Variants in SPIRE1 observed in about 807,000 individuals in gnomAD.
SPIRE1 encodes the protein protein spire homolog 1.
Under a neutral mutation model 94.1 loss-of-function variants are expected in SPIRE1, and 40 were observed. The ratio of observed to expected loss-of-function variants is 0.43; its 90% CI spans 0.33 to 0.55. The LOEUF (loss-of-function observed/expected upper bound fraction) is 0.55. Ranked by LOEUF, SPIRE1 falls within the 20% of genes least tolerant of loss-of-function variation. The pLI is 0.06. For missense variants in SPIRE1, 838 were observed against 975.2 expected, an observed-to-expected ratio of 0.86 and a Z score of 1.87; for synonymous variants, 376 against 371.7, an observed-to-expected ratio of 1.01 and a Z score of -0.13.
In SPIRE1 at chr18:12,457,451, G is replaced by A. The variant is rs565280448; in HGVS notation, c.1639-2968C>T. On this transcript the variant is annotated intron_variant, in intron 12 of 16. Coordinates refer to ENST00000409402, the MANE Select transcript of SPIRE1 (RefSeq NM_001128626.2). ...TGGAGGGCACTCAAGGCCCCAGCTA[G>A]AGCGGGAGCCCTTCCCCACCACGGC... is the stretch of plus-strand genomic sequence containing the variant. Among the ~76,000 whole-genome samples the A allele has an allele frequency of 9.0e-5, 13 of 143,682 alleles. No individual in the cohort carries two copies. In the South Asian group the frequency reaches 2.5e-3, roughly 28 times the overall value. 94.3% of individuals were successfully genotyped at this position (143,682 alleles called of 152,430 possible). A position where few individuals can be genotyped will look rare whatever the true frequency, so the allele number is the denominator to read the frequency against.
chr18:12,566,421 G>A (rs2035822189), intron 2 of SPIRE1, among the ~76,000 whole-genome samples: 2 of 151,860 alleles, frequency 1.3e-5, no homozygotes, highest in Admixed American at 1.3e-4. Context: ...AAGAAAGGAG[G>A]AGCACTGAAG....
chr18:12,471,978 T>C (rs2032379586), intron 10 of SPIRE1, among the ~76,000 whole-genome samples: 1 of 151,964 alleles, frequency 6.6e-6, no homozygotes, highest in African/African-American at 2.4e-5. Flanking sequence ...AGAGATGGGG[T>C]TTTGCCATGT....
chr18:12,598,758 G>A (rs1279505105), intron 2 of SPIRE1, among the ~76,000 whole-genome samples: 1 of 152,170 alleles, frequency 6.6e-6, no homozygotes, highest in East Asian at 1.9e-4. Flanking sequence ...CACACTGAGG[G>A]CTAGAAGGCG....
At chr18:12,659,747 A>G (rs552046071), upstream of SPIRE1, among the ~76,000 whole-genome samples, 15 of 152,346 alleles carry the variant, frequency 9.8e-5, no homozygotes, top group Non-Finnish European at 2.1e-4. Flanking sequence ...CGAGAGAGAC[A>G]AAACAACCCC....
chr18:12,632,038 C>T (rs894721476), intron 2 of SPIRE1, among the ~76,000 whole-genome samples: 1 of 113,206 alleles, frequency 8.8e-6, no homozygotes, highest in African/African-American at 2.8e-5. Context: ...GAGCAAGACT[C>T]TGTCTCCAAA....
chr18:12,446,585 C>T lies in SPIRE1; in HGVS notation c.*3053G>A, dbSNP rs1452089800. On this transcript the variant is annotated 3_prime_UTR_variant, in exon 17 of 17. Coordinates refer to ENST00000409402, the MANE Select transcript of SPIRE1 (RefSeq NM_001128626.2). Reference sequence around the variant, plus strand: ...TTTAATGGAAAACATTTAGTACCATCATGTCACCCTGAATGCCAGCAATAC... The same window carrying T: ...TTTAATGGAAAACATTTAGTACCATTATGTCACCCTGAATGCCAGCAATAC... 8 of 152,172 alleles carry T rather than the reference C, an allele frequency of 5.3e-5. No homozygotes were observed. The allele number at this position is 152,172 out of a possible 1,614,324, so 9.4% of individuals were successfully genotyped here.
chr18:12,483,842 T>C (rs753129142), intron 9 of SPIRE1, among the ~76,000 whole-genome samples: 2 of 152,186 alleles, frequency 1.3e-5, no homozygotes, highest in Non-Finnish European at 2.9e-5. Flanking sequence ...TATTTATAAT[T>C]TGGGAAATTT....
At chr18:12,616,691 G>A (rs2037317426) in intron 2 of SPIRE1, among the ~76,000 whole-genome samples, 1 of 152,170 alleles carries the variant, frequency 6.6e-6, no homozygotes, top group Non-Finnish European at 1.5e-5. Flanking sequence ...TTGACCCAAT[G>A]TTTGAATTCA....
At chr18:12,659,202 C>T (rs1375625583), upstream of SPIRE1, among the ~76,000 whole-genome samples, 2 of 152,122 alleles carry the variant, frequency 1.3e-5, no homozygotes, top group African/African-American at 4.8e-5. Flanking sequence ...AAACCTTTTA[C>T]GGCAGTTTTA....
At chr18:12,480,365 G>A (rs2032794405) in intron 9 of SPIRE1, among the ~76,000 whole-genome samples, 1 of 152,164 alleles carries the variant, frequency 6.6e-6, no homozygotes, top group African/African-American at 2.4e-5. Flanking sequence ...TTCCTCTGAT[G>A]AGTCTGATTT....
intron 2 of SPIRE1, among the ~76,000 whole-genome samples, chr18:12,576,460 T>C (rs2036100820): frequency 6.6e-6 from 1 of 150,826 alleles, no homozygotes; most frequent in Non-Finnish European, 1.5e-5. Flanking sequence ...CGGGTGCCTG[T>C]AATCCCAGCA....
chr18:12,547,693 G>A (rs2035214079), intron 2 of SPIRE1, among the ~76,000 whole-genome samples: 3 of 152,300 alleles, frequency 2.0e-5, no homozygotes, highest in South Asian at 2.1e-4. Context: ...TGTAATCCCA[G>A]CACTTTGGGA....
At chr18:12,613,294 C>G (rs1449746230) in intron 2 of SPIRE1, among the ~76,000 whole-genome samples, 3 of 152,202 alleles carry the variant, frequency 2.0e-5, no homozygotes, top group Non-Finnish European at 4.4e-5. Flanking sequence ...CACCTGGAAT[C>G]TACTGTGTGT....
chr18:12,535,822 G>T (rs1421713371), intron 3 of SPIRE1, among the ~76,000 whole-genome samples: 1 of 152,096 alleles, frequency 6.6e-6, no homozygotes, highest in Non-Finnish European at 1.5e-5. Flanking sequence ...GGGCGTGGTG[G>T]CACACACCTG....
chr18:12,495,658 G>A (rs549201511), intron 7 of SPIRE1, among the ~76,000 whole-genome samples: 1 of 152,318 alleles, frequency 6.6e-6, no homozygotes, highest in South Asian at 2.1e-4. Flanking sequence ...GGAGGCTGAA[G>A]TGGGAGGACT....
chr18:12,496,817 T>C (rs2143900632), intron 6 of SPIRE1, among the ~76,000 whole-genome samples: 1 of 151,996 alleles, frequency 6.6e-6, no homozygotes, highest in Admixed American at 6.6e-5. Context: ...TGCAGTGAGC[T>C]GAGATCACAT....
rs567196765 is a variant in SPIRE1, at chr18:12,637,217, G to A, written c.338-2121C>T. ...TATTAAAAATACAAAACATTAGCCG[G>A]GTGTGGTGGCAAGTGCCTGTAGTCC... On this transcript the variant is annotated intron_variant, in intron 1 of 16. Coordinates refer to ENST00000409402, the MANE Select transcript of SPIRE1 (RefSeq NM_001128626.2). 2.5e-3 allele frequency among the ~76,000 whole-genome samples: 373 copies of A among 152,198 alleles called. 3 individuals carry two copies. Among genetic ancestry groups the A allele is most frequent in the African/African-American group, 8.7e-3 (360 of 41,536 alleles).
At chr18:12,555,320 T>A (rs530568831) in intron 2 of SPIRE1, among the ~76,000 whole-genome samples, 27 of 145,422 alleles carry the variant, frequency 1.9e-4, no homozygotes, top group African/African-American at 3.0e-4. Context: ...AAAAAAAAAA[T>A]TTTTTTTTGG....
At chr18:12,628,972 G>A (rs553822931) in intron 2 of SPIRE1, among the ~76,000 whole-genome samples, 3 of 152,298 alleles carry the variant, frequency 2.0e-5, no homozygotes, top group South Asian at 2.1e-4. Context: ...ATGTGAACAT[G>A]AGTCTTTTTA....
Sources: gnomAD v4.1 joint callset for allele counts (sites outside exome capture counted in the v4.1 genomes callset) on GRCh38, gnomAD v4.1.1 for gene constraint, MANE v1.5 for transcripts, NCBI Gene and HGNC (gene_info 2026-07-23, HGNC 2026-07-21) for gene names.